The following CCDC171 variants were observed in gnomAD, a reference collection of about 807,000 sequenced individuals.
CCDC171 encodes the protein coiled-coil domain containing 171, also known as coiled-coil domain-containing protein 171.
A neutral mutation model predicts 168.2 loss-of-function variants in CCDC171; 177 were observed. The ratio of observed to expected loss-of-function variants is 1.05; its 90% CI spans 0.93 to 1.19. The LOEUF is 1.19. CCDC171 is among the 50% of genes most tolerant of loss of function. The probability of loss-of-function intolerance (pLI) is 0.00; values close to 1 mark genes in which losing one functional copy is unlikely to be tolerated. For missense variants in CCDC171, 1,991 were observed against 1,539.0 expected, an observed-to-expected ratio of 1.29 and a Z score of -4.91; for synonymous variants, 687 against 540.8, an observed-to-expected ratio of 1.27 and a Z score of -3.75.
intron 21 of CCDC171, among the ~76,000 whole-genome samples, chr9:15,792,420 C>A (rs1044046398): frequency 3.3e-5 from 5 of 152,162 alleles, no homozygotes; most frequent in Admixed American, 2.6e-4. Flanking sequence ...TCCAGGAGAA[C>A]TTCCCCAACC....
rs945988387 is a variant in CCDC171 at position 15,657,206 on chromosome 9, C to T, written c.902C>T (p.Ser301Phe). 6.2e-7 allele frequency: 1 copy of T among 1,602,134 alleles called. No homozygotes were observed. The highest frequency in any genetic ancestry group is 8.5e-7 in the Non-Finnish European group (1 of 1,170,532). ...GCGCATTTGGAATCAAAATTTAATT[C>T]TGAAATTATTCAGGTAAAATGTAAA... ...RAAHLESKFN[S>F]EIIQLRIRDL... The change falls in exon 8 of 26, where the codon TCT becomes TTT. Residue 301 changes from serine (S) to phenylalanine (F), a missense_variant. By Grantham distance (155) the Ser-to-Phe change is radical. Coordinates refer to ENST00000380701, the MANE Select transcript of CCDC171 (RefSeq NM_173550.4).
chr9:15,780,361 C>T (rs951644710), intron 20 of CCDC171, among the ~76,000 whole-genome samples: 20 of 151,528 alleles, frequency 1.3e-4, no homozygotes, highest in African/African-American at 4.9e-4. Flanking sequence ...ACATGACAAC[C>T]TTAAGTAAAA....
At chr9:15,994,583 T>C (rs1444516367) in intron 3 of CCDC171, among the ~76,000 whole-genome samples, 1 of 151,920 alleles carries the variant, frequency 6.6e-6, no homozygotes, top group African/African-American at 2.4e-5. Flanking sequence ...TTAAAGTATA[T>C]ATAAAAAAAA....
chr9:15,680,203 A>G (rs1002806049), intron 10 of CCDC171, among the ~76,000 whole-genome samples: 1 of 152,210 alleles, frequency 6.6e-6, no homozygotes, highest in Non-Finnish European at 1.5e-5. Flanking sequence ...ACTTGGCTCA[A>G]TAAACATTTG....
At chr9:15,879,257 A>G (rs924383724) in intron 24 of CCDC171, among the ~76,000 whole-genome samples, 7 of 152,170 alleles carry the variant, frequency 4.6e-5, no homozygotes, top group African/African-American at 1.4e-4. Flanking sequence ...ATACACCTAT[A>G]TATATTTAAA....
chr9:15,747,048 C>T (rs1347760673), intron 18 of CCDC171, among the ~76,000 whole-genome samples: 1 of 152,154 alleles, frequency 6.6e-6, no homozygotes, highest in Non-Finnish European at 1.5e-5. Context: ...CTGAGAATGA[C>T]CTGGGATGCT....
intron 6 of CCDC171, among the ~76,000 whole-genome samples, chr9:15,604,203 G>C (rs2043063725): frequency 6.6e-6 from 1 of 151,852 alleles, no homozygotes; most frequent in African/African-American, 2.4e-5. Flanking sequence ...TAGGTTGCCT[G>C]TTTGCTCTGA....
intron 3 of CCDC171, among the ~76,000 whole-genome samples, chr9:15,983,452 C>T (rs542636004): frequency 6.6e-6 from 1 of 150,680 alleles, no homozygotes; most frequent in South Asian, 2.1e-4. Flanking sequence ...ATATTTTGTA[C>T]AGTTTATATT....
At chr9:16,039,011 A>G (rs1007872192), upstream of CCDC171, among the ~76,000 whole-genome samples, 16 of 152,352 alleles carry the variant, frequency 1.1e-4, no homozygotes, top group African/African-American at 3.6e-4. Context: ...TGAAGTCCCA[A>G]GAGGAACTGT....
In CCDC171 at chr9:15,616,884, C is replaced by T. The variant is rs532661175; in HGVS notation, c.676-6383C>T. Among the ~76,000 whole-genome samples, 5 of 152,218 alleles carry T rather than the reference C, an allele frequency of 3.3e-5. 1 individual carries two copies. In the South Asian group the frequency reaches 1.0e-3, roughly 32 times the overall value. On this transcript the variant is annotated intron_variant, in intron 6 of 25. Transcript: ENST00000380701. ...CATTGCTATGAAGAAATACTTGAGA[C>T]TGGGTAATTTATAAAGGAAAGAGAT...
chr9:15,821,974 A>G (rs1318204624), intron 21 of CCDC171, among the ~76,000 whole-genome samples: 1 of 152,200 alleles, frequency 6.6e-6, no homozygotes, highest in African/African-American at 2.4e-5. Flanking sequence ...TGGTAGTATT[A>G]CCAAAACAGA....
chr9:15,746,515 T>C (rs764405655), intron 18 of CCDC171, among the ~76,000 whole-genome samples: 14 of 152,250 alleles, frequency 9.2e-5, no homozygotes, highest in Non-Finnish European at 1.6e-4. Context: ...AATAAAAGTC[T>C]AAACTAAATG....
chr9:15,574,649 C>T (rs1340914966), intron 3 of CCDC171, among the ~76,000 whole-genome samples: 2 of 152,144 alleles, frequency 1.3e-5, no homozygotes, highest in Non-Finnish European at 1.5e-5. Context: ...GCCATATAAT[C>T]TCCAACTGTA....
the CCDC171 span, among the ~76,000 whole-genome samples, chr9:16,081,046 GCTTACACTTAGAAACACTC>G: frequency 1.3e-5 from 2 of 152,126 alleles, no homozygotes; most frequent in African/African-American, 2.4e-5. Flanking sequence ...AAGCACATAG[GCTTACACTTAGAAACACTC>G]CTTCCTGCGA....
chr9:15,594,733 A>T (rs1348001968), intron 6 of CCDC171, among the ~76,000 whole-genome samples: 3 of 152,144 alleles, frequency 2.0e-5, no homozygotes, highest in African/African-American at 7.2e-5. Context: ...AATCTGGGAA[A>T]AGGCTGCAGG....
chr9:15,940,593 TTC>T (rs1827601469), intron 25 of CCDC171, among the ~76,000 whole-genome samples: 1 of 151,974 alleles, frequency 6.6e-6, no homozygotes, highest in South Asian at 2.1e-4. Flanking sequence ...ATAAACAATT[TTC>T]TCTCTCCATC....
At chr9:15,772,630 C>G (rs1468964689) in intron 18 of CCDC171, among the ~76,000 whole-genome samples, 1 of 152,082 alleles carries the variant, frequency 6.6e-6, no homozygotes, top group Non-Finnish European at 1.5e-5. Flanking sequence ...TAAGTAGGGA[C>G]CAGATGTGTA....
chr9:15,867,639 A>G (rs753347414), intron 23 of CCDC171, among the ~76,000 whole-genome samples: 11 of 152,108 alleles, frequency 7.2e-5, no homozygotes, highest in Non-Finnish European at 1.5e-4. Flanking sequence ...GCTAAAAATG[A>G]TACTCCAGCT....
intron 3 of CCDC171, among the ~76,000 whole-genome samples, chr9:16,001,786 A>C (rs1353286251): frequency 1.3e-5 from 2 of 151,926 alleles, no homozygotes; most frequent in Non-Finnish European, 2.9e-5. Context: ...TATGTATACT[A>C]CATAATACTT....
Sources: gnomAD v4.1 joint callset for allele counts (sites outside exome capture counted in the v4.1 genomes callset) on GRCh38, gnomAD v4.1.1 for gene constraint, MANE v1.5 for transcripts, NCBI Gene and HGNC (gene_info 2026-07-23, HGNC 2026-07-21) for gene names.